The following TRPM6 variants were observed in gnomAD, a reference collection of about 807,000 sequenced individuals.
TRPM6 encodes transient receptor potential cation channel subfamily M member 6, also known as channel kinase 2.
Under a neutral mutation model 247.6 loss-of-function variants are expected in TRPM6, and 111 were observed. The ratio of observed to expected loss-of-function variants is 0.45; its 90% CI spans 0.38 to 0.52. TRPM6 has a LOEUF of 0.52. Ranked by LOEUF, TRPM6 falls within the 20% of genes least tolerant of loss-of-function variation. The pLI, the probability that TRPM6 is intolerant of heterozygous loss-of-function variation, is 0.00. For synonymous variants in TRPM6, 892 were observed against 853.8 expected, an observed-to-expected ratio of 1.04 and a Z score of -0.78; for missense variants, 2,126 against 2,421.5, an observed-to-expected ratio of 0.88 and a Z score of 2.56.
chr9:74,775,809 T>C (rs2118896806), intron 24 of TRPM6, 74 bp downstream of exon 24: 3 of 1,477,472 alleles, frequency 2.0e-6, no homozygotes, highest in East Asian at 2.3e-5. Context: ...ACTTAATTTA[T>C]AATACTCCAG....
chr9:74,857,123 C>G (rs1203679562), intron 2 of TRPM6, among the ~76,000 whole-genome samples: 1 of 152,082 alleles, frequency 6.6e-6, no homozygotes, highest in African/African-American at 2.4e-5. Context: ...ATTGCAGTCA[C>G]CACCACATGA....
chr9:74,863,197 C>A (rs1357635093), intron 1 of TRPM6, among the ~76,000 whole-genome samples: 1 of 151,744 alleles, frequency 6.6e-6, no homozygotes, highest in African/African-American at 2.4e-5. Context: ...CAGGTTCCTG[C>A]CACCACATCG....
At chr9:74,831,288 G>A (rs914763964) in intron 6 of TRPM6, among the ~76,000 whole-genome samples, 26 of 151,992 alleles carry the variant, frequency 1.7e-4, no homozygotes, top group African/African-American at 5.6e-4. Flanking sequence ...TCATGAATTC[G>A]AGACCAGCCC....
At chr9:74,876,662 C>T (rs1831199954) in intron 1 of TRPM6, among the ~76,000 whole-genome samples, 1 of 152,188 alleles carries the variant, frequency 6.6e-6, no homozygotes, top group Admixed American at 6.5e-5. Flanking sequence ...TGTGCTTATA[C>T]CAATCCCTGA....
chr9:74,736,928 A>G (rs1825716082), intron 36 of TRPM6, among the ~76,000 whole-genome samples: 1 of 152,212 alleles, frequency 6.6e-6, no homozygotes, highest in Non-Finnish European at 1.5e-5. Context: ...AAGAGTCATC[A>G]TTAATTCCTT....
rs770008193 is a variant in TRPM6 at position 74,767,257 on chromosome 9, T to C, written c.3537-4123A>G. 3.3e-5 allele frequency among the ~76,000 whole-genome samples: 5 copies of C among 152,268 alleles called. 1 individual carries two copies. Among genetic ancestry groups the C allele is most frequent in the South Asian group, 4.1e-4 (2 of 4,822 alleles). ...AAACCACAGCATTTCCGAAATATAATGTACCAAACATGCTTAATGTGGAAA... is the reference window on the plus strand; with the variant it reads ...AAACCACAGCATTTCCGAAATATAACGTACCAAACATGCTTAATGTGGAAA... On this transcript the variant is annotated intron_variant, in intron 25 of 38. Transcript: ENST00000360774.
intron 31 of TRPM6, 144 bp from the exon 32 acceptor site, chr9:74,744,289 T>A: frequency 1.2e-6 from 1 of 836,654 alleles, no homozygotes; most frequent in Non-Finnish European, 2.0e-6. Flanking sequence ...TAATATTTTT[T>A]AACCACAGTA....
chr9:74,783,399 A>G (rs1285455419), intron 21 of TRPM6, among the ~76,000 whole-genome samples: 1 of 152,214 alleles, frequency 6.6e-6, no homozygotes. Flanking sequence ...TACATCTCTT[A>G]GCTTTCCTTC....
intron 14 of TRPM6, among the ~76,000 whole-genome samples, chr9:74,806,290 T>C (rs1301852315): frequency 6.6e-6 from 1 of 151,728 alleles, no homozygotes; most frequent in Non-Finnish European, 1.5e-5. Flanking sequence ...TATTTATTTA[T>C]TTATTTATTT....
intron 11 of TRPM6, 41 bp from the exon 12 acceptor site, chr9:74,812,474 A>C (rs769119585): frequency 3.2e-6 from 5 of 1,573,072 alleles, no homozygotes; most frequent in Non-Finnish European, 4.4e-6. Flanking sequence ...ACAATTAAGA[A>C]AGTAGAAATA....
At chr9:74,730,412 G>GAA (rs1452086285) in intron 37 of TRPM6, among the ~76,000 whole-genome samples, 3 of 152,196 alleles carry the variant, frequency 2.0e-5, no homozygotes, top group African/African-American at 7.2e-5. Flanking sequence ...TTTTGGTAGA[G>GAA]GGTTATCCTT....
At chr9:74,778,574 G>A (rs1370802498) in intron 23 of TRPM6, among the ~76,000 whole-genome samples, 3 of 152,206 alleles carry the variant, frequency 2.0e-5, no homozygotes, top group Admixed American at 1.3e-4. Context: ...TCCCCTGGAA[G>A]GGAAAGGTGG....
chr9:74,760,287 ATACTGTACTTT>A (rs1290869123), intron 27 of TRPM6, among the ~76,000 whole-genome samples: 28 of 152,206 alleles, frequency 1.8e-4, no homozygotes, highest in African/African-American at 6.8e-4. Context: ...TTTATCTTTT[ATACTGTACTTT>A]TACTGACCCT....
intron 1 of TRPM6, among the ~76,000 whole-genome samples, chr9:74,873,351 C>T (rs1831087535): frequency 6.6e-6 from 1 of 152,206 alleles, no homozygotes; most frequent in South Asian, 2.1e-4. Context: ...GTTAGACCCA[C>T]TGTACTCTAT....
At chr9:74,880,548 A>G (rs1831329208) in intron 1 of TRPM6, among the ~76,000 whole-genome samples, 2 of 145,044 alleles carry the variant, frequency 1.4e-5, no homozygotes, top group Admixed American at 6.7e-5. Context: ...CAAAATACCG[A>G]AAAAAAAAGC....
At chr9:74,834,352 T>C (rs1295054404) in intron 5 of TRPM6, among the ~76,000 whole-genome samples, 2 of 152,142 alleles carry the variant, frequency 1.3e-5, no homozygotes, top group African/African-American at 4.8e-5. Context: ...TCTGAGCCCT[T>C]TGGGCAATTT....
chr9:74,854,656 TTTTTA>T (rs1830465827), intron 3 of TRPM6, among the ~76,000 whole-genome samples: 1 of 152,032 alleles, frequency 6.6e-6, no homozygotes, highest in African/African-American at 2.4e-5. Flanking sequence ...GGGTTCCAAT[TTTTTA>T]TTTTATTTTA....
chr9:74,772,092 C>A (rs1172467650), intron 24 of TRPM6, among the ~76,000 whole-genome samples: 3 of 152,152 alleles, frequency 2.0e-5, no homozygotes, highest in African/African-American at 7.2e-5. Flanking sequence ...GAATTAGAAA[C>A]CAGCCTGGGC....
intron 6 of TRPM6, among the ~76,000 whole-genome samples, chr9:74,830,645 C>T (rs1829510037): frequency 6.6e-6 from 1 of 151,692 alleles, no homozygotes; most frequent in African/African-American, 2.4e-5. Context: ...GGTGCAATCA[C>T]AGCTCACCAC....
Sources: gnomAD v4.1 joint callset for allele counts (sites outside exome capture counted in the v4.1 genomes callset) on GRCh38, gnomAD v4.1.1 for gene constraint, MANE v1.5 for transcripts, NCBI Gene and HGNC (gene_info 2026-07-23, HGNC 2026-07-21) for gene names.